Variants in ASB3 observed in about 807,000 individuals in gnomAD.
ASB3 encodes ankyrin repeat and SOCS box protein 3.
In ASB3, 41 loss-of-function variants were observed where a neutral mutation model predicts 54.5. That is an observed-to-expected ratio of 0.75 (90% CI 0.59 to 0.98). The LOEUF is 0.98. ASB3 is among the 50% of genes least tolerant of loss of function. The pLI is 0.00. For missense variants in ASB3, 733 were observed against 620.0 expected (o/e 1.18, Z -1.94); for synonymous variants, 266 against 221.2 (o/e 1.20, Z -1.80).
At chr2:53,708,909 T>C (rs1046273138) in intron 7 of ASB3, among the ~76,000 whole-genome samples, 1 of 152,174 alleles carries the variant, frequency 6.6e-6, no homozygotes, top group African/African-American at 2.4e-5. Context: ...GGACCTAATG[T>C]TGGAACTTAC....
intron 2 of ASB3, among the ~76,000 whole-genome samples, chr2:53,760,372 G>T (rs1240514716): frequency 6.6e-6 from 1 of 152,100 alleles, no homozygotes; most frequent in Non-Finnish European, 1.5e-5. Context: ...GTTTTACACT[G>T]CCAGGGTCAC....
rs1292876065 is a variant in ASB3, at chr2:53,744,465, A to G, written c.355+6318T>C. Among the ~76,000 whole-genome samples the G allele has an allele frequency of 2.0e-5, 3 of 152,230 alleles. No homozygotes were observed. The East Asian group carries it at 5.8e-4, about 29-fold the overall frequency. On this transcript the variant is annotated intron_variant, in intron 3 of 9. Coordinates refer to ENST00000263634, the MANE Select transcript of ASB3 (RefSeq NM_016115.5). ...TATCAAGAACCATAAAACTAAAAAA[A>G]CAAACAAAAGTAAAACCAGAACATG...
In ASB3 at chr2:53,686,760, G is replaced by A. The variant is rs556807889; in HGVS notation, c.1369+7124C>T. ...AGACAGAGTTTCATTCTTGTTGCCC[G>A]GGCTGGAGTGCAATGGCACAATCTC... On this transcript the variant is annotated intron_variant, in intron 9 of 9. Coordinates refer to ENST00000263634, the MANE Select transcript of ASB3 (RefSeq NM_016115.5). 2.8e-4 allele frequency among the ~76,000 whole-genome samples: 43 copies of A among 151,896 alleles called. No homozygotes were observed. The South Asian group carries it at 7.3e-3, about 26-fold the overall frequency.
At chr2:53,767,584 G>C (rs1673555844) in intron 1 of ASB3, 2 of 324,600 alleles carry the variant, frequency 6.2e-6, no homozygotes, top group South Asian at 7.9e-5. Flanking sequence ...GGGTATTGTA[G>C]TTTTCTGCAC....
chr2:53,701,501 G>C (rs13408425), intron 7 of ASB3, among the ~76,000 whole-genome samples: 1 of 151,912 alleles, frequency 6.6e-6, no homozygotes, highest in Non-Finnish European at 1.5e-5. Flanking sequence ...TATGAAAACT[G>C]AACACTTCAT....
chr2:53,763,276 T>C (rs1294379290), intron 2 of ASB3, among the ~76,000 whole-genome samples: 1 of 152,110 alleles, frequency 6.6e-6, no homozygotes, highest in Non-Finnish European at 1.5e-5. Flanking sequence ...GGAGAACCGC[T>C]TGAATCTGGG....
intron 5 of ASB3, among the ~76,000 whole-genome samples, chr2:53,722,128 A>G (rs1670747138): frequency 6.6e-6 from 1 of 151,988 alleles, no homozygotes; most frequent in Admixed American, 6.6e-5. Context: ...ACTGAATCAG[A>G]AAGAAATTGA....
At chr2:53,716,450 T>A in intron 6 of ASB3, 116 bp downstream of exon 6, 1 of 1,292,164 alleles carries the variant, frequency 7.7e-7, no homozygotes, top group South Asian at 1.6e-5. Context: ...ACCCAGCAGA[T>A]TGGTAGGGAA....
chr2:53,706,235 C>T (rs900701791), intron 7 of ASB3, among the ~76,000 whole-genome samples: 4 of 152,140 alleles, frequency 2.6e-5, no homozygotes, highest in Non-Finnish European at 5.9e-5. Flanking sequence ...CATCCTTATC[C>T]CTCCACAAGG....
At chr2:53,749,475 A>C (rs1672403804) in intron 3 of ASB3, among the ~76,000 whole-genome samples, 2 of 152,146 alleles carry the variant, frequency 1.3e-5, no homozygotes, top group South Asian at 2.1e-4. Context: ...ATAAAAACTT[A>C]TATTGATACA....
At chr2:53,714,925 A>C (rs566224921) in intron 6 of ASB3, among the ~76,000 whole-genome samples, 1 of 152,302 alleles carries the variant, frequency 6.6e-6, no homozygotes, top group South Asian at 2.1e-4. Context: ...TTTAGGGTTT[A>C]ATAAATTATT....
At chr2:53,680,197 A>G (rs1668293992) in intron 9 of ASB3, among the ~76,000 whole-genome samples, 1 of 152,202 alleles carries the variant, frequency 6.6e-6, no homozygotes, top group Non-Finnish European at 1.5e-5. Context: ...TAGCACTGCA[A>G]GGAACATATG....
intron 1 of ASB3, among the ~76,000 whole-genome samples, chr2:53,769,463 T>C (rs1673738585): frequency 6.6e-6 from 1 of 152,260 alleles, no homozygotes; most frequent in African/African-American, 2.4e-5. Context: ...TACAGTGTGT[T>C]ACAAAACACA....
chr2:53,744,384 C>A (rs1572953398), intron 3 of ASB3, among the ~76,000 whole-genome samples: 6 of 139,948 alleles, frequency 4.3e-5, no homozygotes, highest in South Asian at 2.3e-4. Context: ...GACTCTGTCT[C>A]AAAAAAATAA....
chr2:53,754,573 T>C (rs1343201457), intron 2 of ASB3, among the ~76,000 whole-genome samples: 3 of 152,228 alleles, frequency 2.0e-5, no homozygotes, highest in African/African-American at 4.8e-5. Flanking sequence ...ACCAGGAAGA[T>C]AACATTTGAA....
intron 2 of ASB3, 59 bp downstream of exon 2, chr2:53,765,315 CTTT>C: frequency 6.2e-7 from 1 of 1,602,504 alleles, no homozygotes; most frequent in Non-Finnish European, 8.5e-7. Flanking sequence ...ATGTATTATA[CTTT>C]TTTATGTTTT....
At chr2:53,734,509 A>G (rs1007807534) in intron 3 of ASB3, among the ~76,000 whole-genome samples, 34 of 152,184 alleles carry the variant, frequency 2.2e-4, no homozygotes, top group African/African-American at 8.2e-4. Context: ...CTTAGTGCCT[A>G]TTATGTACCA....
At chr2:53,671,370 G>GTC (rs1667807849) in intron 9 of ASB3, among the ~76,000 whole-genome samples, 2 of 151,430 alleles carry the variant, frequency 1.3e-5, no homozygotes, top group South Asian at 4.2e-4. Context: ...GTGTGTGTGT[G>GTC]TGTGTGTGTG....
At chr2:53,755,777 G>A (rs1672779546) in intron 2 of ASB3, among the ~76,000 whole-genome samples, 1 of 152,176 alleles carries the variant, frequency 6.6e-6, no homozygotes, top group Non-Finnish European at 1.5e-5. Context: ...AGTAGACACT[G>A]TTAAGAAAAG....
Sources: allele counts gnomAD v4.1 joint callset (sites outside exome capture counted in the v4.1 genomes callset), GRCh38; gene constraint gnomAD v4.1.1; transcripts MANE v1.5; gene names NCBI Gene and HGNC (gene_info 2026-07-23, HGNC 2026-07-21).